The following GPSM2 variants were observed in gnomAD, a reference collection of about 807,000 sequenced individuals.
GPSM2 encodes the protein G protein-signaling modulator 2.
GPSM2 carries 58 observed loss-of-function variants against 78.4 expected under a neutral mutation model. The ratio of observed to expected loss-of-function variants is 0.74; its 90% CI spans 0.60 to 0.92. The LOEUF is 0.92. GPSM2 is among the 40% of genes least tolerant of loss of function. The pLI is 0.00. For missense variants in GPSM2, 700 were observed against 815.5 expected, an observed-to-expected ratio of 0.86 and a Z score of 1.73; for synonymous variants, 224 against 280.2, an observed-to-expected ratio of 0.80 and a Z score of 2.00.
intron 1 of GPSM2, among the ~76,000 whole-genome samples, chr1:108,880,032 T>C (rs745321873): frequency 3.3e-5 from 5 of 152,194 alleles, no homozygotes; most frequent in Non-Finnish European, 5.9e-5. Flanking sequence ...GCTAATAAGA[T>C]CTACCCATCC....
At chr1:108,921,151 C>G (rs998682733) in intron 12 of GPSM2, among the ~76,000 whole-genome samples, 1 of 152,058 alleles carries the variant, frequency 6.6e-6, no homozygotes, top group African/African-American at 2.4e-5. Context: ...CACCCCTTTC[C>G]AAAAATATCT....
In GPSM2 at chr1:108,922,473, T is replaced by G. The variant is rs1650783728; in HGVS notation, c.1497T>G (p.Phe499Leu). 2 of 1,612,494 alleles carry G rather than the reference T, an allele frequency of 1.2e-6. No homozygotes were observed. The highest frequency in any genetic ancestry group is 1.7e-6 in the Non-Finnish European group (2 of 1,178,554). ...GGTTCTTTGACTTATTAAGCCGATTTCAAAGCAATAGGATGGATGATCAGA... is the reference window on the plus strand; with the variant it reads ...GGTTCTTTGACTTATTAAGCCGATTGCAAAGCAATAGGATGGATGATCAGA... ...DEGFFDLLSR[F>L]QSNRMDDQRC... The change falls in exon 13 of 15, where the codon TTT (phenylalanine) becomes TTG (leucine). Residue 499 changes from phenylalanine (F) to leucine (L), a missense_variant. Physicochemically the swap from Phe to Leu is conservative, Grantham distance 22. Transcript: ENST00000264126.
At chr1:108,898,855 T>C (rs1444594758) in intron 6 of GPSM2, 24 bp from the exon 7 acceptor site, 1 of 1,596,328 alleles carries the variant, frequency 6.3e-7, no homozygotes, top group African/African-American at 1.3e-5. Flanking sequence ...TTTATCTACA[T>C]CTAATTAAAA....
At chr1:108,912,437 T>G (rs1649823878) in intron 10 of GPSM2, among the ~76,000 whole-genome samples, 1 of 152,000 alleles carries the variant, frequency 6.6e-6, no homozygotes, top group East Asian at 1.9e-4. Flanking sequence ...AAAGACAGAT[T>G]TAGAGCAGTA....
At chr1:108,918,290 G>A (rs927857067) in intron 11 of GPSM2, among the ~76,000 whole-genome samples, 7 of 151,972 alleles carry the variant, frequency 4.6e-5, no homozygotes, top group Middle Eastern at 3.2e-3. Context: ...AGTAACTCAC[G>A]TCTAGAGTAA....
At chr1:108,925,544 G>C (rs183955903) in intron 14 of GPSM2, among the ~76,000 whole-genome samples, 2 of 152,166 alleles carry the variant, frequency 1.3e-5, no homozygotes, top group African/African-American at 4.8e-5. Context: ...GGAGGGGTGG[G>C]GTGTGGTGTG....
intron 12 of GPSM2, among the ~76,000 whole-genome samples, chr1:108,921,265 C>T (rs532451429): frequency 1.3e-5 from 2 of 152,138 alleles, no homozygotes; most frequent in East Asian, 3.9e-4. Flanking sequence ...ATAAAAAATA[C>T]AAAAATTAGC....
Position 108,918,679 on chromosome 1 carries a change from C to T in GPSM2, c.1330C>T (p.Leu444=). Residue 444 remains leucine, a synonymous_variant, in exon 12 of 15, where the codon CTA becomes TTA. Coordinates refer to ENST00000264126, the MANE Select transcript of GPSM2 (RefSeq NM_013296.5). ...KPLIAKPSAK[L]LFVNRLKGKK... ...TCTTATTGCCAAACCTTCTGCAAAGCTACTCTTTGTCAACAGACTGAAGGG... is the reference window on the plus strand; with the variant it reads ...TCTTATTGCCAAACCTTCTGCAAAGTTACTCTTTGTCAACAGACTGAAGGG... 5.6e-6 allele frequency: 9 copies of T among 1,612,918 alleles called. No homozygotes were observed. The highest frequency in any genetic ancestry group is 6.8e-6 in the Non-Finnish European group (8 of 1,178,928).
At chr1:108,886,989 C>T (rs989190500) in intron 2 of GPSM2, among the ~76,000 whole-genome samples, 14 of 151,752 alleles carry the variant, frequency 9.2e-5, no homozygotes, top group African/African-American at 3.4e-4. Flanking sequence ...CATGTTAAAG[C>T]GATTCTCTTG....
chr1:108,929,984 A>T lies in GPSM2; in HGVS notation c.*44A>T. 6.4e-7 allele frequency: 1 copy of T among 1,550,944 alleles called. No individual in the cohort carries two copies. The highest frequency in any genetic ancestry group is 8.9e-7 in the Non-Finnish European group (1 of 1,127,646). On this transcript the variant is annotated 3_prime_UTR_variant, in exon 15 of 15. Transcript: ENST00000264126. ...TTTTCCTTTCAAACACGGTAAGGAA[A>T]CAATCTATTACTTTTTTCCTTAAAA...
At position 108,931,628 on chromosome 1, in the gene GPSM2, T is replaced by TTA. The variant is rs1553218893; in HGVS notation, c.*1688_*1689insTA. The TTA allele has an allele frequency of 1.6e-5, 13 of 811,206 alleles. No homozygotes were observed. The African/African-American group carries it at 2.3e-4, about 15-fold the overall frequency. The allele number at this position is 811,206 out of a possible 1,614,324, so 50.3% of individuals were successfully genotyped here. A position where few individuals can be genotyped will look rare whatever the true frequency, so the allele number is the denominator to read the frequency against. ...GAATTAATTACATTAAGTGCTCAGCTAAAAAAAAAAAAAAAGTTCTAAATT... is the reference window on the plus strand; with the variant it reads ...GAATTAATTACATTAAGTGCTCAGCTTAAAAAAAAAAAAAAAAGTTCTAAATT... On this transcript the variant is annotated 3_prime_UTR_variant, in exon 15 of 15. Transcript: ENST00000264126.
intron 14 of GPSM2, among the ~76,000 whole-genome samples, chr1:108,925,914 G>A (rs563253608): frequency 1.3e-5 from 2 of 152,126 alleles, no homozygotes; most frequent in Admixed American, 6.5e-5. Flanking sequence ...AGGTAAGTCT[G>A]GGGTAACTGA....
rs774459678 is a variant in GPSM2, at chr1:108,898,752, T to C, written c.668T>C (p.Ile223Thr). 10 of 1,613,994 alleles carry C rather than the reference T, an allele frequency of 6.2e-6. No individual in the cohort carries two copies. Among genetic ancestry groups the C allele is most frequent in the Non-Finnish European group, 8.5e-6 (10 of 1,179,964 alleles). The change falls in exon 6 of 15, where the codon ATA becomes ACA. Residue 223 changes from isoleucine (I) to threonine (T), a missense_variant. Physicochemically the swap from Ile to Thr is moderately conservative, Grantham distance 89. Transcript: ENST00000264126. ...CTTGGCAACTTCAGGGATGCAGTTATAGCTCATGAGCAGGTACAGTGGAAA... is the reference window on the plus strand; with the variant it reads ...CTTGGCAACTTCAGGGATGCAGTTACAGCTCATGAGCAGGTACAGTGGAAA... ...YLLGNFRDAV[I>T]AHEQRLLIAK...
At position 108,894,753 on chromosome 1, in the gene GPSM2, TA is replaced by T. The variant is rs548716066; in HGVS notation, c.57-2099del. 1.3e-3 allele frequency among the ~76,000 whole-genome samples: 184 copies of T among 145,200 alleles called. 1 individual carries two copies. Among genetic ancestry groups the T allele is most frequent in the East Asian group, 0.011 (57 of 5,068 alleles). On this transcript the variant is annotated intron_variant, in intron 2 of 14. Coordinates refer to ENST00000264126, the MANE Select transcript of GPSM2 (RefSeq NM_013296.5). ...CCATTGGCTAAGTCATTTGAATTCT[TA>T]AAAAAAAAAAAGATACCTAGATAGA...
At chr1:108,880,887 C>T (rs1665861075) in intron 1 of GPSM2, among the ~76,000 whole-genome samples, 1 of 152,136 alleles carries the variant, frequency 6.6e-6, no homozygotes, top group Non-Finnish European at 1.5e-5. Flanking sequence ...AAGTGGCAGT[C>T]AGGATCAGAT....
At position 108,904,208 on chromosome 1, in the gene GPSM2, T is replaced by C. The variant is rs768179261; in HGVS notation, c.1146T>C (p.Asn382=). Residue 382 remains asparagine (N), a synonymous_variant, in exon 10 of 15, where the codon AAT becomes AAC. Transcript: ENST00000264126. ...QMVLGLSYST[N]NSIMSENTEI... is the part of the protein sequence containing the mutation. ...TTCTTGGTCTGAGCTACAGCACAAATAACTCCATAATGTCTGAAAATACTG... is the reference window on the plus strand; with the variant it reads ...TTCTTGGTCTGAGCTACAGCACAAACAACTCCATAATGTCTGAAAATACTG... 6.2e-7 allele frequency: 1 copy of C among 1,600,574 alleles called. No individual in the cohort carries two copies. Among genetic ancestry groups the C allele is most frequent in the East Asian group, 2.2e-5 (1 of 44,638 alleles).
Position 108,885,420 on chromosome 1 carries a change from A to G in GPSM2, c.-103A>G. The G allele has an allele frequency of 1.4e-6, 1 of 704,554 alleles. No individual in the cohort carries two copies. Among genetic ancestry groups the G allele is most frequent in the South Asian group, 1.7e-5 (1 of 58,016 alleles). The allele number at this position is 704,554 out of a possible 1,614,324, so 43.6% of individuals were successfully genotyped here. A position where few individuals can be genotyped will look rare whatever the true frequency, so the allele number is the denominator to read the frequency against. ...AGGATGTATTAACACCAACTCATTA[A>G]TATACTAACCGGACAATGTTCTACA... On this transcript the variant is annotated 5_prime_UTR_variant, in exon 2 of 15. Transcript: ENST00000264126.
At chr1:108,913,559 T>C (rs1664421) in intron 10 of GPSM2, among the ~76,000 whole-genome samples, 54,008 of 151,738 alleles carry the variant, frequency 0.36, 11,162 homozygotes, top group African/African-American at 0.57. Context: ...AATATAGCTC[T>C]AAAACCAATA....
chr1:108,917,248 G>A (rs535284195), intron 11 of GPSM2, among the ~76,000 whole-genome samples: 3 of 152,068 alleles, frequency 2.0e-5, no homozygotes, highest in Admixed American at 6.6e-5. Context: ...CGATGGCTTG[G>A]TTCACTTACT....
Sources: gnomAD v4.1 joint callset for allele counts (sites outside exome capture counted in the v4.1 genomes callset) on GRCh38, gnomAD v4.1.1 for gene constraint, MANE v1.5 for transcripts, NCBI Gene and HGNC (gene_info 2026-07-23, HGNC 2026-07-21) for gene names.